Variants in CACNA2D3 observed in about 807,000 individuals in gnomAD.
CACNA2D3 encodes calcium voltage-gated channel auxiliary subunit alpha2delta 3.
In CACNA2D3, 60 loss-of-function variants were observed where a neutral mutation model predicts 160.6. That is an observed-to-expected ratio of 0.37 (90% confidence interval 0.30 to 0.46). CACNA2D3 has a LOEUF of 0.46. CACNA2D3 is among the 20% of genes least tolerant of loss of function. The pLI, the probability that CACNA2D3 is intolerant of heterozygous loss-of-function variation, is 1.00. For synonymous variants in CACNA2D3, 558 were observed against 492.9 expected, an observed-to-expected ratio of 1.13 and a Z score of -1.75; for missense variants, 1,205 against 1,365.0, an observed-to-expected ratio of 0.88 and a Z score of 1.85.
At chr3:54,291,276 A>G (rs550058979) in intron 2 of CACNA2D3, among the ~76,000 whole-genome samples, 1 of 152,340 alleles carries the variant, frequency 6.6e-6, no homozygotes, top group South Asian at 2.1e-4. Flanking sequence ...CCATCACCAC[A>G]CAAATTTAAA....
intron 5 of CACNA2D3, among the ~76,000 whole-genome samples, chr3:54,528,810 C>T (rs1701764054): frequency 6.6e-6 from 1 of 152,130 alleles, no homozygotes; most frequent in Non-Finnish European, 1.5e-5. Context: ...CAGCCCGTAG[C>T]TCAGAGCCCT....
chr3:54,250,903 A>G (rs1320250768), intron 2 of CACNA2D3, among the ~76,000 whole-genome samples: 1 of 152,052 alleles, frequency 6.6e-6, no homozygotes, highest in Non-Finnish European at 1.5e-5. Flanking sequence ...CTGGGTAGTG[A>G]GTTGGTTTGA....
rs1351144439 is a variant in CACNA2D3, at chr3:55,074,497, A to AAACCT, written c.*293_*297dup. On this transcript the variant is annotated 3_prime_UTR_variant, in exon 38 of 38. Coordinates refer to ENST00000474759, the MANE Select transcript of CACNA2D3 (RefSeq NM_018398.3). Reference sequence around the variant, plus strand: ...TGGTAGGCAGTGTCCCTTCTGCTTGAAACCTATTGAAACCAATTTAAAACT... The same window carrying AAACCT: ...TGGTAGGCAGTGTCCCTTCTGCTTGAAACCTAACCTATTGAAACCAATTTAAAACT... 2 of 352,226 alleles carry AAACCT rather than the reference A, an allele frequency of 5.7e-6. No individual in the cohort carries two copies. Among genetic ancestry groups the AAACCT allele is most frequent in the Non-Finnish European group, 1.0e-5 (2 of 192,414 alleles). The allele number at this position is 352,226 out of a possible 1,614,324, so 21.8% of individuals were successfully genotyped here. A position where few individuals can be genotyped will look rare whatever the true frequency, so the allele number is the denominator to read the frequency against.
intron 2 of CACNA2D3, among the ~76,000 whole-genome samples, chr3:54,218,013 G>A (rs188421699): frequency 0.014 from 2,063 of 151,988 alleles, 38 homozygotes; most frequent in African/African-American, 0.046. Flanking sequence ...AGGTGTATTC[G>A]GGAGAGAGAG....
intron 4 of CACNA2D3, among the ~76,000 whole-genome samples, chr3:54,487,154 C>T (rs1041401467): frequency 3.3e-5 from 5 of 152,000 alleles, no homozygotes; most frequent in Non-Finnish European, 7.4e-5. Flanking sequence ...ATCCCTTGAG[C>T]CCAGGAGTTT....
intron 2 of CACNA2D3, among the ~76,000 whole-genome samples, chr3:54,276,586 AAAAAG>A (rs1310113708): frequency 8.9e-5 from 13 of 146,692 alleles, no homozygotes; most frequent in South Asian, 6.7e-4. Flanking sequence ...AAAAAAAAAA[AAAAAG>A]AAGAAGAAGA....
At chr3:54,537,568 C>T (rs142214107) in intron 5 of CACNA2D3, among the ~76,000 whole-genome samples, 87 of 152,148 alleles carry the variant, frequency 5.7e-4, no homozygotes, top group Non-Finnish European at 9.7e-4. Flanking sequence ...CCTACTGGAG[C>T]GAGGCCCTAC....
intron 5 of CACNA2D3, among the ~76,000 whole-genome samples, chr3:54,526,982 C>T (rs886222494): frequency 1.3e-5 from 2 of 152,220 alleles, no homozygotes; most frequent in East Asian, 1.9e-4. Context: ...TGAGCCACCA[C>T]GTGGGGCCAG....
chr3:54,314,663 G>A (rs1703823161), intron 2 of CACNA2D3, among the ~76,000 whole-genome samples: 1 of 152,210 alleles, frequency 6.6e-6, no homozygotes, highest in South Asian at 2.1e-4. Flanking sequence ...CATTAGTGAT[G>A]TTGAGCATTT....
intron 9 of CACNA2D3, among the ~76,000 whole-genome samples, chr3:54,604,551 A>C (rs1470959875): frequency 6.6e-6 from 1 of 152,094 alleles, no homozygotes; most frequent in African/African-American, 2.4e-5. Flanking sequence ...TCAGACCCCA[A>C]ATCCTAGCAT....
rs192103624 is a variant in CACNA2D3 at position 54,465,249 on chromosome 3, T to C, written c.382-38243T>C. Among the ~76,000 whole-genome samples, 172 of 152,270 alleles carry C rather than the reference T, an allele frequency of 1.1e-3. 3 individuals carry two copies. The highest frequency in any genetic ancestry group is 3.9e-3 in the African/African-American group (160 of 41,538). On this transcript the variant is annotated intron_variant, in intron 4 of 37. Transcript: ENST00000474759. ...GTTTCCTTCAGATCATGTATTGTTT[T>C]CCTGATTTTATTGAATTTCCTGTTT... is the stretch of plus-strand genomic sequence containing the variant.
At chr3:54,411,325 A>G (rs1431143303) in intron 4 of CACNA2D3, among the ~76,000 whole-genome samples, 2 of 152,228 alleles carry the variant, frequency 1.3e-5, no homozygotes, top group African/African-American at 4.8e-5. Context: ...ATCAAACAAC[A>G]TTGCATGCTA....
At chr3:54,682,812 G>A (rs1027506322) in intron 11 of CACNA2D3, among the ~76,000 whole-genome samples, 3 of 152,110 alleles carry the variant, frequency 2.0e-5, no homozygotes, top group Non-Finnish European at 4.4e-5. Context: ...GGCTTGGGCT[G>A]AGCACTGCTT....
intron 3 of CACNA2D3, among the ~76,000 whole-genome samples, chr3:54,370,541 T>G (rs1698907222): frequency 6.6e-6 from 1 of 152,158 alleles, no homozygotes; most frequent in Admixed American, 6.5e-5. Context: ...GATGAGAACT[T>G]TTCTTCTGTT....
At chr3:55,058,104 G>A (rs879666068) in intron 35 of CACNA2D3, among the ~76,000 whole-genome samples, 4 of 152,074 alleles carry the variant, frequency 2.6e-5, no homozygotes, top group Admixed American at 6.5e-5. Context: ...TCTCTACCAC[G>A]GTACTCACAC....
intron 27 of CACNA2D3, 116 bp downstream of exon 27, chr3:54,899,984 C>T: frequency 1.4e-6 from 1 of 714,394 alleles, no homozygotes; most frequent in African/African-American, 1.8e-5. Flanking sequence ...AAGGAGAAAA[C>T]AATTTTAAAT....
chr3:54,647,199 A>G (rs1699668715), intron 11 of CACNA2D3, among the ~76,000 whole-genome samples: 1 of 152,070 alleles, frequency 6.6e-6, no homozygotes, highest in Non-Finnish European at 1.5e-5. Context: ...TTGTGCCCCA[A>G]CTCCTGACCC....
chr3:54,540,803 G>A (rs1701960292), intron 5 of CACNA2D3, among the ~76,000 whole-genome samples: 1 of 152,098 alleles, frequency 6.6e-6, no homozygotes, highest in Non-Finnish European at 1.5e-5. Context: ...TCACACTGGG[G>A]ATTGGGGATT....
chr3:54,719,188 T>G (rs79859759), intron 11 of CACNA2D3, among the ~76,000 whole-genome samples: 1 of 151,204 alleles, frequency 6.6e-6, no homozygotes, highest in Non-Finnish European at 1.5e-5. Flanking sequence ...TTTATCTTGT[T>G]ACACCACCAG....
Sources: allele counts gnomAD v4.1 joint callset (sites outside exome capture counted in the v4.1 genomes callset), GRCh38; gene constraint gnomAD v4.1.1; transcripts MANE v1.5; gene names NCBI Gene and HGNC (gene_info 2026-07-23, HGNC 2026-07-21).